DOCK5: variants seen among roughly 807,000 people sequenced by gnomAD.
The protein encoded by DOCK5 is dedicator of cytokinesis protein 5.
Under a neutral mutation model 251.8 loss-of-function variants are expected in DOCK5, and 142 were observed. That is an observed-to-expected ratio of 0.56 (90% CI 0.49 to 0.65). The LOEUF (loss-of-function observed/expected upper bound fraction) is 0.65, where lower values mean the gene tolerates loss of function less well. Among genes scored for constraint, DOCK5 ranks in the 30% least tolerant of loss-of-function variants. The probability of loss-of-function intolerance (pLI) is 0.00; values close to 1 mark genes in which losing one functional copy is unlikely to be tolerated. For synonymous variants in DOCK5, 842 were observed against 835.5 expected (o/e 1.01, Z -0.13); for missense variants, 2,111 against 2,312.3 (o/e 0.91, Z 1.79).
At chr8:25,328,964 G>T (rs966017918) in intron 18 of DOCK5, among the ~76,000 whole-genome samples, 11 of 152,254 alleles carry the variant, frequency 7.2e-5, no homozygotes, top group Non-Finnish European at 1.2e-4. Flanking sequence ...CTAAGTCGTG[G>T]ACTTGTATTT....
chr8:25,289,649 C>A (rs1804435727), intron 5 of DOCK5, among the ~76,000 whole-genome samples: 1 of 151,668 alleles, frequency 6.6e-6, no homozygotes, highest in Admixed American at 6.6e-5. Flanking sequence ...TTGAGACCAG[C>A]CTGACCAACA....
At chr8:25,265,814 A>G (rs1052633265) in intron 2 of DOCK5, among the ~76,000 whole-genome samples, 4 of 151,914 alleles carry the variant, frequency 2.6e-5, no homozygotes, top group East Asian at 1.9e-4. Context: ...AATGGAGCAG[A>G]TAAGAGTCCT....
In DOCK5 at chr8:25,302,362, G is replaced by C. The variant is rs201214542; in HGVS notation, c.884G>C (p.Ser295Thr). 43 of 1,613,394 alleles carry C rather than the reference G, an allele frequency of 2.7e-5. 1 individual carries two copies. In the Middle Eastern group the frequency reaches 9.9e-4, roughly 37 times the overall value. ...SSMDLIRPRV[S>T]LVCQIVRVGH... ...ATGGACCTCATCCGGCCCCGCGTCA[G>C]CCTTGTGTGCCAGATTGTCCGCGTG... The change falls in exon 10 of 52, where the codon AGC becomes ACC. Residue 295 changes from serine (S) to threonine (T), a missense_variant. By Grantham distance (58) the Ser-to-Thr change is moderately conservative (BLOSUM62 1). Around this residue, in one of 3 missense-constraint regions of DOCK5, gnomAD observed 59 missense variants for 95.0 expected, o/e 0.62. Transcript: ENST00000276440.
At chr8:25,298,159 G>A (rs1431677899) in intron 7 of DOCK5, among the ~76,000 whole-genome samples, 2 of 151,156 alleles carry the variant, frequency 1.3e-5, no homozygotes, top group Admixed American at 1.3e-4. Flanking sequence ...GTTCTAATGA[G>A]TAAAGATTTG....
chr8:25,359,174 G>T, intron 28 of DOCK5, 113 bp downstream of exon 28: 1 of 826,322 alleles, frequency 1.2e-6, no homozygotes, highest in East Asian at 2.4e-5. Context: ...CACCTCCGGT[G>T]CTATGTGGCT....
At chr8:25,407,869 A>C (rs1721586051) in intron 48 of DOCK5, 114 bp from the exon 49 acceptor site, 1 of 33,476 alleles carries the variant, frequency 3.0e-5, no homozygotes, top group Non-Finnish European at 4.8e-5. Context: ...TGTCTCAAAA[A>C]AAAAAAAAAA....
In DOCK5 at chr8:25,236,891, G is replaced by A. The variant is rs115195615; in HGVS notation, c.44-6783G>A. ...TGGGATGACAGGCATAAGCCACTGCGCCTGGCCATAGTCATCTTTGGAATA... is the reference window on the plus strand; with the variant it reads ...TGGGATGACAGGCATAAGCCACTGCACCTGGCCATAGTCATCTTTGGAATA... On this transcript the variant is annotated intron_variant, in intron 1 of 51. Coordinates refer to ENST00000276440, the MANE Select transcript of DOCK5 (RefSeq NM_024940.8). 9.0e-3 allele frequency among the ~76,000 whole-genome samples: 1,366 copies of A among 152,120 alleles called. 21 individuals carry two copies. The highest frequency in any genetic ancestry group is 0.031 in the African/African-American group (1,276 of 41,490).
intron 1 of DOCK5, among the ~76,000 whole-genome samples, chr8:25,208,380 C>A (rs938749799): frequency 6.6e-6 from 1 of 152,158 alleles, no homozygotes; most frequent in Non-Finnish European, 1.5e-5. Flanking sequence ...CAAATAGCAT[C>A]ACATGCTATA....
At chr8:25,192,091 G>A (rs770565752) in intron 1 of DOCK5, among the ~76,000 whole-genome samples, 4 of 152,092 alleles carry the variant, frequency 2.6e-5, no homozygotes, top group Non-Finnish European at 5.9e-5. Context: ...TCCCTGCAAA[G>A]GACATGAACT....
At chr8:25,187,272 CAT>C (rs1281871103) in intron 1 of DOCK5, among the ~76,000 whole-genome samples, 6 of 145,134 alleles carry the variant, frequency 4.1e-5, no homozygotes, top group Non-Finnish European at 9.0e-5. Context: ...TATACACACA[CAT>C]ATATGTATAT....
chr8:25,308,341 G>C (rs910889270), intron 11 of DOCK5, among the ~76,000 whole-genome samples: 9 of 152,108 alleles, frequency 5.9e-5, no homozygotes, highest in African/African-American at 2.2e-4. Flanking sequence ...AGCCTTAACA[G>C]GCATGCGATC....
intron 1 of DOCK5, among the ~76,000 whole-genome samples, chr8:25,235,073 A>C (rs1802761335): frequency 1.3e-5 from 2 of 152,186 alleles, no homozygotes; most frequent in Non-Finnish European, 2.9e-5. Context: ...ACTGTCTGCC[A>C]GGTGTTAGTC....
chr8:25,384,463 ATTTTTT>A (rs201096966), intron 40 of DOCK5, among the ~76,000 whole-genome samples: 1 of 135,704 alleles, frequency 7.4e-6, no homozygotes, highest in African/African-American at 2.6e-5. Context: ...TTATTTATTT[ATTTTTT>A]TTTTTTTTGA....
Position 25,354,025 on chromosome 8 carries a change from C to CT in DOCK5, c.2850+2201dup, listed in dbSNP as rs1352257889. On this transcript the variant is annotated intron_variant, in intron 27 of 51. Coordinates refer to ENST00000276440, the MANE Select transcript of DOCK5 (RefSeq NM_024940.8). ...CCTGGGTGACAGAGTGAGACTTTGTCTTAAAAAAAAAAAAAAAAAAAAACA... is the reference window on the plus strand; with the variant it reads ...CCTGGGTGACAGAGTGAGACTTTGTCTTTAAAAAAAAAAAAAAAAAAAAACA... 2.9e-3 allele frequency among the ~76,000 whole-genome samples: 159 copies of CT among 54,448 alleles called. 4 individuals carry two copies. Among genetic ancestry groups the CT allele is most frequent in the African/African-American group, 0.011 (150 of 13,396 alleles). The allele number at this position is 54,448 out of a possible 152,430, so 35.7% of individuals were successfully genotyped here.
At chr8:25,203,252 G>A (rs1801922714) in intron 1 of DOCK5, among the ~76,000 whole-genome samples, 3 of 152,206 alleles carry the variant, frequency 2.0e-5, no homozygotes, top group African/African-American at 7.2e-5. Context: ...GAATTAAAGA[G>A]TTGCTTGCAT....
chr8:25,213,386 CT>C (rs1468291890), intron 1 of DOCK5, among the ~76,000 whole-genome samples: 1 of 139,168 alleles, frequency 7.2e-6, no homozygotes, highest in Admixed American at 7.2e-5. Context: ...AAAAAAAAAG[CT>C]GATAATCTCT....
intron 44 of DOCK5, 37 bp from the exon 45 acceptor site, chr8:25,395,506 C>G (rs1421359593): frequency 6.3e-7 from 1 of 1,584,532 alleles, no homozygotes; most frequent in Non-Finnish European, 8.5e-7. Flanking sequence ...TTGGAGCTGA[C>G]AAGTGTCCTC....
At chr8:25,316,429 C>T (rs76659873) in intron 13 of DOCK5, among the ~76,000 whole-genome samples, 1,990 of 152,144 alleles carry the variant, frequency 0.013, 33 homozygotes, top group African/African-American at 0.045. Flanking sequence ...TGCAGTGAGC[C>T]GAGATTGCAC....
At chr8:25,202,018 A>AT (rs943066141) in intron 1 of DOCK5, among the ~76,000 whole-genome samples, 1 of 151,792 alleles carries the variant, frequency 6.6e-6, no homozygotes, top group African/African-American at 2.4e-5. Flanking sequence ...ATATATATAT[A>AT]TTTTTTTCTT....
Sources: allele counts gnomAD v4.1 joint callset (sites outside exome capture counted in the v4.1 genomes callset), GRCh38; gene constraint gnomAD v4.1.1; regional missense constraint gnomAD v4.1.1; transcripts MANE v1.5; gene names NCBI Gene and HGNC (gene_info 2026-07-23, HGNC 2026-07-21).